Variants in STRBP observed in about 807,000 individuals in gnomAD.
STRBP encodes the protein spermatid perinuclear RNA binding protein, also known as spermatid perinuclear RNA-binding protein.
Under a neutral mutation model 80.1 loss-of-function variants are expected in STRBP, and 13 were observed. The ratio of observed to expected loss-of-function variants is 0.16; its 90% CI spans 0.11 to 0.26. STRBP has a LOEUF of 0.26. Ranked by LOEUF, STRBP falls within the 10% of genes least tolerant of loss-of-function variation. The pLI is 1.00. For missense variants in STRBP, 485 were observed against 815.2 expected, an observed-to-expected ratio of 0.59 and a Z score of 4.93; for synonymous variants, 284 against 291.2, an observed-to-expected ratio of 0.98 and a Z score of 0.25.
chr9:123,139,008 G>T (rs1163848733), intron 14 of STRBP, among the ~76,000 whole-genome samples: 1 of 152,080 alleles, frequency 6.6e-6, no homozygotes. Flanking sequence ...TATTATCTGC[G>T]ACAATAAGTT....
intron 8 of STRBP, 140 bp downstream of exon 8, chr9:123,160,224 TTTA>T: frequency 2.0e-6 from 1 of 491,622 alleles, no homozygotes; most frequent in Admixed American, 3.9e-5. Context: ...AAAAAGATGC[TTTA>T]TTTTTTTTTC....
At chr9:123,190,110 T>C (rs1358175567) in intron 2 of STRBP, among the ~76,000 whole-genome samples, 1 of 151,842 alleles carries the variant, frequency 6.6e-6, no homozygotes, top group Non-Finnish European at 1.5e-5. Context: ...TGAAATCTTG[T>C]CTCTACTAAA....
intron 1 of STRBP, among the ~76,000 whole-genome samples, chr9:123,249,216 A>C (rs1223694311): frequency 1.3e-5 from 2 of 152,088 alleles, no homozygotes; most frequent in African/African-American, 2.4e-5. Flanking sequence ...CCACACACAC[A>C]CAAATTTTTT....
At chr9:123,144,379 C>G (rs888792203) in intron 13 of STRBP, among the ~76,000 whole-genome samples, 1 of 152,074 alleles carries the variant, frequency 6.6e-6, no homozygotes, top group African/African-American at 2.4e-5. Flanking sequence ...TTTTCCAAAT[C>G]CCCAGTGGAT....
chr9:123,185,847 C>T (rs2038675294), intron 2 of STRBP, among the ~76,000 whole-genome samples: 1 of 151,994 alleles, frequency 6.6e-6, no homozygotes. Flanking sequence ...ACTAACAATA[C>T]AAATTAACAA....
rs971157804 is a variant in STRBP, at chr9:123,110,752, G to C, written c.*85-999C>G. On this transcript the variant is annotated intron_variant and NMD_transcript_variant, in intron 3 of 3. Coordinates refer to the STRBP transcript ENST00000471564. The surrounding 1 kb of genome is among the most constrained non-coding windows in gnomAD (Gnocchi z 4.1). The stretch of plus-strand genomic sequence containing the variant: ...GGAGATGGAGAGAGCGAGGCCCTCT[G>C]GTCGGAGGCCTACAATTTGGCTCCC... The C allele has an allele frequency of 1.2e-4, 20 of 169,116 alleles. No individual in the cohort carries two copies. Among genetic ancestry groups the C allele is most frequent in the African/African-American group, 4.6e-4 (19 of 41,500 alleles). 10.5% of individuals were successfully genotyped at this position (169,116 alleles called of 1,614,324 possible).
chr9:123,199,358 C>T (rs543001069), intron 2 of STRBP, among the ~76,000 whole-genome samples: 4 of 152,264 alleles, frequency 2.6e-5, no homozygotes, highest in East Asian at 3.9e-4. Flanking sequence ...GCTTTGACTA[C>T]GCAGGCTCTT....
chr9:123,167,329 A>C (rs2037813945), intron 6 of STRBP, among the ~76,000 whole-genome samples: 1 of 152,076 alleles, frequency 6.6e-6, no homozygotes, highest in African/African-American at 2.4e-5. Flanking sequence ...TAGGAGAAAA[A>C]AGGGTAACTT....
chr9:123,265,149 T>C (rs1372717412), intron 1 of STRBP, among the ~76,000 whole-genome samples: 1 of 152,132 alleles, frequency 6.6e-6, no homozygotes, highest in African/African-American at 2.4e-5. Context: ...TTTGCTGCCA[T>C]GACACACTTC....
intron 2 of STRBP, among the ~76,000 whole-genome samples, chr9:123,214,938 C>T (rs1448953462): frequency 1.3e-5 from 2 of 152,136 alleles, no homozygotes; most frequent in South Asian, 2.1e-4. Context: ...TTTCTGGTGT[C>T]CACATTTTTG....
intron 16 of STRBP, among the ~76,000 whole-genome samples, chr9:123,135,430 T>C (rs1249808276): frequency 2.0e-5 from 3 of 152,200 alleles, no homozygotes; most frequent in Non-Finnish European, 2.9e-5. Flanking sequence ...AGAAAATGTT[T>C]TTTGAATGCA....
At chr9:123,218,102 T>C (rs1451350649) in intron 2 of STRBP, among the ~76,000 whole-genome samples, 1 of 152,214 alleles carries the variant, frequency 6.6e-6, no homozygotes, top group African/African-American at 2.4e-5. Flanking sequence ...ATCTTTCCTA[T>C]GGCATCTTCA....
intron 2 of STRBP, among the ~76,000 whole-genome samples, chr9:123,236,329 T>C (rs2040561678): frequency 6.6e-6 from 1 of 152,204 alleles, no homozygotes; most frequent in Admixed American, 6.5e-5. Context: ...TTATTTCTAT[T>C]TCATTTGCTC....
downstream of STRBP, among the ~76,000 whole-genome samples, chr9:123,117,788 C>T (rs568747586): frequency 1.2e-4 from 18 of 152,252 alleles, no homozygotes; most frequent in Non-Finnish European, 2.2e-4. Flanking sequence ...TGACCTATCT[C>T]AGGCCAGGCA....
chr9:123,265,794 T>C (rs1241964565), intron 1 of STRBP, among the ~76,000 whole-genome samples: 3 of 152,116 alleles, frequency 2.0e-5, no homozygotes, highest in Non-Finnish European at 4.4e-5. Flanking sequence ...CAAATCAAAA[T>C]ACCAGAGAAT....
At chr9:123,207,244 T>C (rs1225891325) in intron 2 of STRBP, among the ~76,000 whole-genome samples, 4 of 152,192 alleles carry the variant, frequency 2.6e-5, no homozygotes. Flanking sequence ...CAACATTTAC[T>C]GTAGCACTGA....
At chr9:123,109,903 G>C (rs1344132247) in intron 3 of STRBP, 1 of 152,182 alleles carries the variant, frequency 6.6e-6, no homozygotes, top group Non-Finnish European at 1.5e-5. Flanking sequence ...ATTTACACTT[G>C]CGTATTCAGA....
intron 2 of STRBP, among the ~76,000 whole-genome samples, chr9:123,212,385 A>C (rs1049187877): frequency 1.3e-5 from 2 of 152,194 alleles, no homozygotes; most frequent in African/African-American, 4.8e-5. Flanking sequence ...TCTTGCCTGA[A>C]TTTCCAGTGG....
intron 4 of STRBP, among the ~76,000 whole-genome samples, chr9:123,177,866 C>T (rs1008189430): frequency 6.6e-6 from 1 of 152,108 alleles, no homozygotes; most frequent in African/African-American, 2.4e-5. Context: ...ATCTGGAATA[C>T]GTGACTATTT....
Sources: gnomAD v4.1 joint callset for allele counts (sites outside exome capture counted in the v4.1 genomes callset) on GRCh38, gnomAD v4.1.1 for gene constraint, Gnocchi (gnomAD v3.1) non-coding constraint, MANE v1.5 for transcripts, NCBI Gene and HGNC (gene_info 2026-07-23, HGNC 2026-07-21) for gene names.